Variants in EXPH5 observed in about 807,000 individuals in gnomAD.
EXPH5 encodes the protein exophilin-5.
A neutral mutation model predicts 41.1 loss-of-function variants in EXPH5; 42 were observed. The ratio of observed to expected loss-of-function variants is 1.02; its 90% confidence interval spans 0.80 to 1.32. The LOEUF (loss-of-function observed/expected upper bound fraction) is 1.32, where lower values mean the gene tolerates loss of function less well. Among genes scored for constraint, EXPH5 ranks in the 40% most tolerant of loss-of-function variants. The probability of loss-of-function intolerance (pLI) is 0.00; values close to 1 mark genes in which losing one functional copy is unlikely to be tolerated. For synonymous variants in EXPH5, 798 were observed against 833.5 expected, an observed-to-expected ratio of 0.96 and a Z score of 0.73; for missense variants, 2,298 against 2,314.5, an observed-to-expected ratio of 0.99 and a Z score of 0.15.
chr11:108,557,952 A>AT (rs1208261250), intron 1 of EXPH5, among the ~76,000 whole-genome samples: 1 of 151,376 alleles, frequency 6.6e-6, no homozygotes, highest in Non-Finnish European at 1.5e-5. Flanking sequence ...TTTATTTTTT[A>AT]TTTTTTTTGA....
At chr11:108,576,433 T>C (rs967225094) in intron 1 of EXPH5, among the ~76,000 whole-genome samples, 1 of 152,156 alleles carries the variant, frequency 6.6e-6, no homozygotes, top group Admixed American at 6.5e-5. Flanking sequence ...GGGTTCTATT[T>C]TGGGTTGATG....
intron 1 of EXPH5, among the ~76,000 whole-genome samples, chr11:108,581,863 T>G (rs556697275): frequency 8.5e-5 from 13 of 152,100 alleles, no homozygotes; most frequent in Non-Finnish European, 1.6e-4. Flanking sequence ...AAATAAATAT[T>G]ATAAATAACT....
chr11:108,590,299 C>T (rs1565838668), intron 1 of EXPH5, among the ~76,000 whole-genome samples: 1 of 152,092 alleles, frequency 6.6e-6, no homozygotes. Flanking sequence ...TGAGGGTAGA[C>T]ATTTTCCCAT....
In EXPH5 at chr11:108,512,339, A is replaced by G; in HGVS notation, c.3168T>C (p.Asn1056=). 6.2e-7 allele frequency: 1 copy of G among 1,612,542 alleles called. No homozygotes were observed. Among genetic ancestry groups the G allele is most frequent in the Non-Finnish European group, 8.5e-7 (1 of 1,179,564 alleles). The change falls in exon 6 of 6, where the codon AAT becomes AAC. Residue 1056 remains asparagine, a synonymous_variant. Coordinates refer to ENST00000265843, the MANE Select transcript of EXPH5 (RefSeq NM_015065.3). ...AGTTCCCCATTGCATCTTCCACATT[A>G]TTTTTGATTTGGAAGGGAGGTGGCC... ...RNGPPPFQIK[N]NVEDAMGNYM...
At chr11:108,550,640 G>C (rs2004820) in intron 1 of EXPH5, among the ~76,000 whole-genome samples, 2 of 151,958 alleles carry the variant, frequency 1.3e-5, no homozygotes, top group Admixed American at 1.3e-4. Flanking sequence ...TTAGCTGGGC[G>C]TGGTGGTGCA....
chr11:108,564,125 C>CAA (rs200566233), intron 1 of EXPH5, among the ~76,000 whole-genome samples: 3 of 149,924 alleles, frequency 2.0e-5, no homozygotes, highest in African/African-American at 7.4e-5. Context: ...ACTAAAAATA[C>CAA]AAAAAAAAAT....
In EXPH5 at chr11:108,513,127, G is replaced by A; in HGVS notation, c.2380C>T (p.Gln794Ter). ...CTGTTTTCAGTAAACCTCTTATCTT[G>A]TTTAATGTCATTGGATTTATCTGTG... is the stretch of plus-strand genomic sequence containing the variant. ...PHTDKSNDIK[Q>*]DKRFTENRKL... is the part of the protein sequence containing the mutation. Residue 794 changes from glutamine to a stop codon, truncating the protein, a stop_gained, in exon 6 of 6, where the codon CAA (glutamine) becomes TAA (stop). Transcript: ENST00000265843. LOFTEE classifies it low-confidence loss of function (END_TRUNC). 6.2e-7 allele frequency: 1 copy of A among 1,612,124 alleles called. No individual in the cohort carries two copies. Among genetic ancestry groups the A allele is most frequent in the East Asian group, 2.2e-5 (1 of 44,876 alleles).
chr11:108,555,977 T>A (rs1190841486), intron 1 of EXPH5, among the ~76,000 whole-genome samples: 2 of 152,112 alleles, frequency 1.3e-5, no homozygotes, highest in Non-Finnish European at 2.9e-5. Flanking sequence ...TCACTCTGGC[T>A]CCCCTTCCAT....
intron 1 of EXPH5, among the ~76,000 whole-genome samples, chr11:108,564,163 C>T (rs970580816): frequency 1.3e-5 from 2 of 152,010 alleles, no homozygotes; most frequent in African/African-American, 4.8e-5. Context: ...TGGTGGGCAT[C>T]TGTAACCCCA....
At chr11:108,552,269 C>T (rs1354419036) in intron 1 of EXPH5, 1 of 152,084 alleles carries the variant, frequency 6.6e-6, no homozygotes, top group Non-Finnish European at 1.5e-5. Flanking sequence ...GAGCCTTTGT[C>T]GCTGACATCA....
At chr11:108,537,614 C>A (rs772525655) in intron 3 of EXPH5, among the ~76,000 whole-genome samples, 1 of 152,094 alleles carries the variant, frequency 6.6e-6, no homozygotes, top group African/African-American at 2.4e-5. Context: ...GGTCTATAAC[C>A]GAAAAACATG....
At chr11:108,565,164 C>T (rs1393004971) in intron 1 of EXPH5, among the ~76,000 whole-genome samples, 1 of 152,120 alleles carries the variant, frequency 6.6e-6, no homozygotes, top group Non-Finnish European at 1.5e-5. Flanking sequence ...CCTCCACCTC[C>T]CAAAGTGCCG....
At chr11:108,540,904 A>G (rs988197384) in intron 2 of EXPH5, among the ~76,000 whole-genome samples, 1 of 140,524 alleles carries the variant, frequency 7.1e-6, no homozygotes, top group Non-Finnish European at 1.5e-5. Flanking sequence ...TTAATATTCT[A>G]TTATTTTTTT....
intron 1 of EXPH5, among the ~76,000 whole-genome samples, chr11:108,563,619 A>G (rs2094022117): frequency 6.6e-6 from 1 of 152,158 alleles, no homozygotes; most frequent in Admixed American, 6.5e-5. Context: ...CTACCCAGAG[A>G]GAGTGATGCC....
intron 1 of EXPH5, among the ~76,000 whole-genome samples, chr11:108,562,265 G>GTTTTTTTTTTT (rs35527615): frequency 9.6e-6 from 1 of 104,602 alleles, no homozygotes; most frequent in African/African-American, 3.1e-5. Flanking sequence ...TTTTTTCTGT[G>GTTTTTTTTTTT]TTTTTTTTTT....
rs12804124 is a variant in EXPH5 at position 108,541,642 on chromosome 11, T to A, written c.280+10A>T. 1 of 1,582,588 alleles carries A rather than the reference T, an allele frequency of 6.3e-7. No homozygotes were observed. Among genetic ancestry groups the A allele is most frequent in the Non-Finnish European group, 8.6e-7 (1 of 1,160,428 alleles). On this transcript the variant is annotated intron_variant, in intron 2 of 5. Coordinates refer to ENST00000265843, the MANE Select transcript of EXPH5 (RefSeq NM_015065.3). ...AGAAATCAACTTTAAATCTAAAATC[T>A]TTTTCTTACCATTTTTTGCCATCTC...
At chr11:108,568,175 T>TTGGGGG (rs71875609) in intron 1 of EXPH5, 4 of 102,888 alleles carry the variant, frequency 3.9e-5, no homozygotes, top group African/African-American at 1.9e-4. Context: ...TTACTTTTTT[T>TTGGGGG]GGGAGGGGGG....
Position 108,539,128 on chromosome 11 carries a change from T to G in EXPH5, c.339A>C (p.Thr113=). 1 of 1,611,012 alleles carries G rather than the reference T, an allele frequency of 6.2e-7. No homozygotes were observed. The highest frequency in any genetic ancestry group is 8.5e-7 in the Non-Finnish European group (1 of 1,178,156). ...TGAAGCTCATCCGGGAAGAAAAAGG[T>G]GTCGGCTTTTTTTGATTAGTTACAT... is the stretch of plus-strand genomic sequence containing the variant. ...SKNVTNQKKP[T]PFSSRMSFRS... Residue 113 remains threonine (T), a synonymous_variant, in exon 3 of 6, where the codon ACA becomes ACC. Coordinates refer to ENST00000265843, the MANE Select transcript of EXPH5 (RefSeq NM_015065.3).
At chr11:108,561,162 G>A (rs2094009951) in intron 1 of EXPH5, among the ~76,000 whole-genome samples, 1 of 152,190 alleles carries the variant, frequency 6.6e-6, no homozygotes, top group African/African-American at 2.4e-5. Context: ...ACATGTCAAT[G>A]CAAAGAAGCA....
Sources: allele counts gnomAD v4.1 joint callset (sites outside exome capture counted in the v4.1 genomes callset), GRCh38; gene constraint gnomAD v4.1.1; transcripts MANE v1.5; gene names NCBI Gene and HGNC (gene_info 2026-07-23, HGNC 2026-07-21).